Variants in SKI observed in about 807,000 individuals in gnomAD.
The protein encoded by SKI is ski oncogene.
SKI carries 23 observed loss-of-function variants against 59.3 expected under a neutral mutation model. That is an observed-to-expected ratio of 0.39 (90% confidence interval 0.28 to 0.55). The LOEUF (loss-of-function observed/expected upper bound fraction) is 0.55, where lower values mean the gene tolerates loss of function less well. SKI is among the 20% of genes least tolerant of loss of function. The probability of loss-of-function intolerance (pLI) is 0.67; values close to 1 mark genes in which losing one functional copy is unlikely to be tolerated. For missense variants in SKI, 1,017 were observed against 1,038.9 expected (o/e 0.98, Z 0.29); for synonymous variants, 673 against 488.6 (o/e 1.38, Z -4.98).
At chr1:2,263,775 C>G (rs113536771) in intron 1 of SKI, among the ~76,000 whole-genome samples, 1 of 149,226 alleles carries the variant, frequency 6.7e-6, no homozygotes, top group Non-Finnish European at 1.5e-5. Flanking sequence ...GTCAGGAGTT[C>G]GAGACCAGAT....
chr1:2,237,576 A>G (rs901685386), intron 1 of SKI, among the ~76,000 whole-genome samples: 11 of 152,222 alleles, frequency 7.2e-5, no homozygotes, highest in Non-Finnish European at 1.3e-4. Context: ...CCCCTGGTCC[A>G]GCTGTTGAGA....
At chr1:2,255,683 C>CT (rs1557823223) in intron 1 of SKI, among the ~76,000 whole-genome samples, 1 of 150,800 alleles carries the variant, frequency 6.6e-6, no homozygotes, top group Non-Finnish European at 1.5e-5. Context: ...CTGGATCTCT[C>CT]TATGTCCTGA....
chr1:2,300,409 C>T (rs550934203), intron 1 of SKI, among the ~76,000 whole-genome samples: 207 of 151,728 alleles, frequency 1.4e-3, no homozygotes, highest in Admixed American at 2.4e-3. Context: ...AGGGTCACAC[C>T]AGAGGCAAGC....
intron 1 of SKI, among the ~76,000 whole-genome samples, chr1:2,253,275 C>T (rs1405441460): frequency 1.3e-5 from 2 of 152,106 alleles, no homozygotes; most frequent in African/African-American, 4.8e-5. Flanking sequence ...GTATCACGGG[C>T]TCCAGAGCAC....
At chr1:2,239,283 G>A (rs1053909664) in intron 1 of SKI, among the ~76,000 whole-genome samples, 4 of 152,266 alleles carry the variant, frequency 2.6e-5, no homozygotes, top group Admixed American at 6.5e-5. Context: ...TCTTGGATGC[G>A]GTGAGTGGCG....
rs1038290398 is a variant in SKI, at chr1:2,303,149, C to G, written c.1095+46C>G. 1 of 1,611,524 alleles carries G rather than the reference C, an allele frequency of 6.2e-7. No homozygotes were observed. Among genetic ancestry groups the G allele is most frequent in the Non-Finnish European group, 8.5e-7 (1 of 1,179,266 alleles). ...GTCCTTGGGGTGGTGGGTACTGGGCCCTTCTCCTTGGGCAGACCCAGCGGC... is the reference window on the plus strand; with the variant it reads ...GTCCTTGGGGTGGTGGGTACTGGGCGCTTCTCCTTGGGCAGACCCAGCGGC... On this transcript the variant is annotated intron_variant, in intron 2 of 6. Coordinates refer to ENST00000378536, the MANE Select transcript of SKI (RefSeq NM_003036.4). The surrounding 1 kb of genome is among the most constrained non-coding windows in gnomAD (Gnocchi z 5.6).
rs958169254 is a variant in SKI at position 2,308,494 on chromosome 1, C to T, written c.*1729C>T. 2 of 152,252 alleles carry T rather than the reference C, an allele frequency of 1.3e-5. No individual in the cohort carries two copies. The highest frequency in any genetic ancestry group is 2.4e-5 in the African/African-American group (1 of 41,452). 9.4% of individuals were successfully genotyped at this position (152,252 alleles called of 1,614,324 possible). On this transcript the variant is annotated 3_prime_UTR_variant, in exon 7 of 7. Transcript: ENST00000378536. ...TTGTTCTGTGTGCATGGATTCCACA[C>T]CTCTGCCGTAGGTAGATCCGTCAGC...
At chr1:2,263,866 CAAA>C (rs34134821) in intron 1 of SKI, among the ~76,000 whole-genome samples, 8 of 95,474 alleles carry the variant, frequency 8.4e-5, no homozygotes, top group Admixed American at 2.4e-4. Context: ...GACTCCATCT[CAAA>C]AAAAAAAAAA....
At chr1:2,233,301 G>A (rs1336970813) in intron 1 of SKI, among the ~76,000 whole-genome samples, 1 of 151,488 alleles carries the variant, frequency 6.6e-6, no homozygotes, top group Non-Finnish European at 1.5e-5. Flanking sequence ...GTTCTGGGCC[G>A]GGGGTCCTGC....
Position 2,228,528 on chromosome 1 carries a change from G to T in SKI, c.-239G>T, listed in dbSNP as rs1243556001. Among the ~76,000 whole-genome samples, 3 of 143,148 alleles carry T rather than the reference G, an allele frequency of 2.1e-5. No individual in the cohort carries two copies. Among genetic ancestry groups the T allele is most frequent in the Admixed American group, 2.1e-4 (3 of 14,558 alleles). The allele number at this position is 143,148 out of a possible 152,430, so 93.9% of individuals were successfully genotyped here. The stretch of plus-strand genomic sequence containing the variant: ...GGCGGCGGCGGGCGCGGCGCGGGGC[G>T]CGTGGATGTGGCGCCGGGCCCGGGC... On this transcript the variant is annotated 5_prime_UTR_variant, in exon 1 of 7. Transcript: ENST00000378536.
intron 1 of SKI, among the ~76,000 whole-genome samples, chr1:2,300,082 C>A (rs1279619795): frequency 6.6e-6 from 1 of 152,220 alleles, no homozygotes; most frequent in African/African-American, 2.4e-5. Flanking sequence ...CCCAGCCCTG[C>A]CCTGCCCTGG....
intron 1 of SKI, among the ~76,000 whole-genome samples, chr1:2,239,077 CCT>C (rs1638810621): frequency 6.6e-6 from 1 of 152,174 alleles, no homozygotes; most frequent in Non-Finnish European, 1.5e-5. Flanking sequence ...TGGCTACAAC[CCT>C]GTTGCCCAAA....
At chr1:2,301,985 G>C (rs1182812328) in intron 1 of SKI, among the ~76,000 whole-genome samples, 1 of 152,252 alleles carries the variant, frequency 6.6e-6, no homozygotes, top group Non-Finnish European at 1.5e-5. Flanking sequence ...CTGTGATTTT[G>C]CTTGGGAAGA....
Position 2,229,743 on chromosome 1 carries a change from G to A in SKI, c.969+8G>A, listed in dbSNP as rs1324041798. 1.9e-6 allele frequency: 3 copies of A among 1,554,604 alleles called. No homozygotes were observed. Among genetic ancestry groups the A allele is most frequent in the Non-Finnish European group, 2.6e-6 (3 of 1,149,454 alleles). On this transcript the variant is annotated splice_region_variant and intron_variant, in intron 1 of 6. Transcript: ENST00000378536. The surrounding 1 kb of genome is among the most constrained non-coding windows in gnomAD (Gnocchi z 6.3). ...AAGCGGCGGGTGCCCCGGGTGAGTG[G>A]CCCCAGGCCTGGGAGCTGGGGAGGA...
At position 2,269,071 on chromosome 1, in the gene SKI, G is replaced by A. The variant is rs1230391346; in HGVS notation, c.970-33907G>A. 6.6e-6 allele frequency among the ~76,000 whole-genome samples: 1 copy of A among 152,136 alleles called. No homozygotes were observed. The highest frequency in any genetic ancestry group is 6.5e-5 in the Admixed American group (1 of 15,272). ...TGATCCTCCCACCTCAGCCTCATGA[G>A]TAGCCGAGACTACAGGCACACACCA... On this transcript the variant is annotated intron_variant, in intron 1 of 6. Transcript: ENST00000378536. This position sits in a 1 kb window ranked among gnomAD's most constrained non-coding sequence, Gnocchi z 4.7.
rs1486681483 is a variant in SKI, at chr1:2,304,367, G to A, written c.1549G>A (p.Gly517Ser). ...SSSAKDLGSP[G>S]ARALPSAVPD... is the part of the protein sequence containing the mutation. ...CTCCGCCAAGGACCTGGGCTCCCCG[G>A]GTGCGCGTGCCCTGCCCTCGGCCGT... Residue 517 changes from glycine to serine, a missense_variant, in exon 5 of 7, where the codon GGT becomes AGT. Gly to Ser is a moderately conservative substitution (Grantham distance 56, BLOSUM62 0). Coordinates refer to ENST00000378536, the MANE Select transcript of SKI (RefSeq NM_003036.4). The A allele has an allele frequency of 6.4e-7, 1 of 1,551,806 alleles. No individual in the cohort carries two copies. Among genetic ancestry groups the A allele is most frequent in the South Asian group, 1.2e-5 (1 of 84,112 alleles).
At position 2,268,764 on chromosome 1, in the gene SKI, G is replaced by A. The variant is rs1335122299; in HGVS notation, c.970-34214G>A. On this transcript the variant is annotated intron_variant, in intron 1 of 6. Transcript: ENST00000378536. This position sits in a 1 kb window ranked among gnomAD's most constrained non-coding sequence, Gnocchi z 5.0. ...GGGAGAGGCCATGACAGGAGTGGGT[G>A]TGGGGACTGGTGGGGACAGCGACTG... 6.6e-6 allele frequency among the ~76,000 whole-genome samples: 1 copy of A among 152,224 alleles called. No homozygotes were observed. Among genetic ancestry groups the A allele is most frequent in the Non-Finnish European group, 1.5e-5 (1 of 68,038 alleles).
intron 1 of SKI, among the ~76,000 whole-genome samples, chr1:2,292,843 A>G (rs903617): frequency 0.88 from 133,610 of 152,220 alleles, 58,865 homozygotes; most frequent in African/African-American, 0.95. Context: ...CAGTTTGTGC[A>G]GAGTCCCCTT....
chr1:2,230,601 C>A (rs1287990792), intron 1 of SKI, among the ~76,000 whole-genome samples: 1 of 152,144 alleles, frequency 6.6e-6, no homozygotes, highest in South Asian at 2.1e-4. Flanking sequence ...TTGTTGTTTG[C>A]CAGTTGGAGG....
Sources: allele counts gnomAD v4.1 joint callset (sites outside exome capture counted in the v4.1 genomes callset), GRCh38; gene constraint gnomAD v4.1.1; non-coding constraint Gnocchi (gnomAD v3.1); transcripts MANE v1.5; gene names NCBI Gene and HGNC (gene_info 2026-07-23, HGNC 2026-07-21).